KCNN2: variants seen among roughly 807,000 people sequenced by gnomAD.
KCNN2 encodes the protein small conductance calcium-activated potassium channel protein 2.
In KCNN2, 24 loss-of-function variants were observed where a neutral mutation model predicts 55.5. That is an observed-to-expected ratio of 0.43 (90% CI 0.31 to 0.61). The LOEUF is 0.61. Among genes scored for constraint, KCNN2 ranks in the 20% least tolerant of loss-of-function variants. The pLI is 0.08. For missense variants in KCNN2, 754 were observed against 853.6 expected, an observed-to-expected ratio of 0.88 and a Z score of 1.45; for synonymous variants, 431 against 336.1, an observed-to-expected ratio of 1.28 and a Z score of -3.09.
At chr5:114,275,634 G>A (rs6594809) in intron 2 of KCNN2, among the ~76,000 whole-genome samples, 136,511 of 152,148 alleles carry the variant, frequency 0.9, 61,648 homozygotes, top group East Asian at 0.94. Flanking sequence ...GGTACTTATA[G>A]TATTCTCTGA....
At position 114,404,806 on chromosome 5, in the gene KCNN2, T is replaced by C. The variant is rs756469728; in HGVS notation, c.1587T>C (p.Phe529=). The change falls in exon 3 of 8, where the codon TTT becomes TTC. Residue 529 remains phenylalanine, a synonymous_variant. Transcript: ENST00000673685. ...TICPGTVLLV[F]SISLWIIAAW... ...GCCCAGGAACTGTACTCTTGGTTTT[T>C]AGTATCTCATTATGGATAATTGCCG... 1.9e-6 allele frequency: 3 copies of C among 1,614,096 alleles called. No homozygotes were observed. The South Asian group carries it at 3.3e-5, about 18-fold the overall frequency.
chr5:114,293,119 C>A (rs1049483868), intron 2 of KCNN2, among the ~76,000 whole-genome samples: 9 of 152,176 alleles, frequency 5.9e-5, no homozygotes, highest in African/African-American at 1.7e-4. Context: ...TCTAGATATA[C>A]AATCATGTCA....
intron 2 of KCNN2, among the ~76,000 whole-genome samples, chr5:114,368,456 A>G (rs1051880519): frequency 2.6e-5 from 4 of 152,016 alleles, no homozygotes; most frequent in Admixed American, 2.0e-4. Flanking sequence ...AGAGTGAGTG[A>G]GGGTGGGGGC....
chr5:114,155,729 G>T (rs1313178188), intron 1 of KCNN2, among the ~76,000 whole-genome samples: 1 of 151,758 alleles, frequency 6.6e-6, no homozygotes, highest in Non-Finnish European at 1.5e-5. Flanking sequence ...TTTTAATGGG[G>T]TTATTTGTTC....
At chr5:114,141,809 T>TA (rs1752287541) in intron 1 of KCNN2, among the ~76,000 whole-genome samples, 1 of 152,212 alleles carries the variant, frequency 6.6e-6, no homozygotes, top group African/African-American at 2.4e-5. Context: ...CCTGACTTTT[T>TA]AATGATCGCC....
intron 5 of KCNN2, among the ~76,000 whole-genome samples, chr5:114,475,084 G>GAGTT (rs1283269934): frequency 1.3e-5 from 2 of 152,034 alleles, no homozygotes; most frequent in African/African-American, 4.8e-5. Context: ...AAAAGACAAA[G>GAGTT]AGTTAGAAAA....
intron 2 of KCNN2, among the ~76,000 whole-genome samples, chr5:114,247,697 T>C (rs28405473): frequency 6.6e-6 from 1 of 152,326 alleles, no homozygotes; most frequent in East Asian, 1.9e-4. Context: ...CAGACTACCT[T>C]AAGTAGTAGC....
At chr5:114,265,382 A>G (rs986063727) in intron 2 of KCNN2, among the ~76,000 whole-genome samples, 2 of 151,044 alleles carry the variant, frequency 1.3e-5, no homozygotes, top group Non-Finnish European at 2.9e-5. Flanking sequence ...GAGATTTATT[A>G]TGAGAAATTG....
intron 2 of KCNN2, among the ~76,000 whole-genome samples, chr5:114,335,158 C>T (rs761040557): frequency 1.3e-4 from 20 of 152,082 alleles, no homozygotes; most frequent in Non-Finnish European, 1.9e-4. Flanking sequence ...CTCCTGACCT[C>T]GTGATCCGCC....
At chr5:114,317,560 AT>A (rs70976338) in intron 2 of KCNN2, among the ~76,000 whole-genome samples, 1 of 152,040 alleles carries the variant, frequency 6.6e-6, no homozygotes, top group Non-Finnish European at 1.5e-5. Context: ...TCTGACTTAC[AT>A]TTTTTGGGGG....
At chr5:114,486,838 G>GTATC (rs1221643571) in intron 5 of KCNN2, 2 of 1,194,118 alleles carry the variant, frequency 1.7e-6, no homozygotes, top group African/African-American at 3.1e-5. Context: ...GAAAGTGGTA[G>GTATC]TATCTCCCTA....
At chr5:114,058,458 G>A (rs77280431) in intron 1 of KCNN2, among the ~76,000 whole-genome samples, 7,517 of 152,154 alleles carry the variant, frequency 0.049, 204 homozygotes, top group Middle Eastern at 0.086. Flanking sequence ...TGCTTGTTAC[G>A]TTATTAAAAA....
chr5:114,410,197 G>C (rs1287395055), intron 3 of KCNN2, among the ~76,000 whole-genome samples: 3 of 152,190 alleles, frequency 2.0e-5, no homozygotes, highest in African/African-American at 7.2e-5. Context: ...CTGAAACTCA[G>C]AGCTTGGGGT....
intron 3 of KCNN2, among the ~76,000 whole-genome samples, chr5:114,456,958 G>C (rs1038153546): frequency 6.6e-6 from 1 of 152,194 alleles, no homozygotes; most frequent in African/African-American, 2.4e-5. Context: ...TCCTGGAGAA[G>C]ATGCTGTGAA....
chr5:114,424,400 T>C (rs1759557574), intron 3 of KCNN2, among the ~76,000 whole-genome samples: 1 of 152,150 alleles, frequency 6.6e-6, no homozygotes, highest in South Asian at 2.1e-4. Flanking sequence ...AATAAATCAC[T>C]AAGAGATACT....
At chr5:114,179,478 C>A (rs1239381659) in intron 1 of KCNN2, among the ~76,000 whole-genome samples, 28 of 152,156 alleles carry the variant, frequency 1.8e-4, no homozygotes, top group Admixed American at 1.7e-3. Flanking sequence ...TTATTATCTC[C>A]ATTTAGAAAG....
intron 1 of KCNN2, among the ~76,000 whole-genome samples, chr5:114,084,374 A>G (rs1750967525): frequency 1.3e-5 from 2 of 152,060 alleles, no homozygotes; most frequent in Non-Finnish European, 2.9e-5. Context: ...ATTTTGATAC[A>G]TACGTTATGG....
chr5:114,394,802 C>T (rs1036359719), intron 2 of KCNN2, among the ~76,000 whole-genome samples: 1 of 152,058 alleles, frequency 6.6e-6, no homozygotes, highest in African/African-American at 2.4e-5. Context: ...TATATTGGGT[C>T]TATTTTAGAC....
chr5:114,252,092 C>T (rs1038057874), intron 2 of KCNN2, among the ~76,000 whole-genome samples: 23 of 151,442 alleles, frequency 1.5e-4, no homozygotes, highest in East Asian at 5.9e-4. Flanking sequence ...TGGCCAGGCT[C>T]GTCTTGAACT....
Sources: allele counts gnomAD v4.1 joint callset (sites outside exome capture counted in the v4.1 genomes callset), GRCh38; gene constraint gnomAD v4.1.1; transcripts MANE v1.5; gene names NCBI Gene and HGNC (gene_info 2026-07-23, HGNC 2026-07-21).